NBEA: variants seen among roughly 807,000 people sequenced by gnomAD.
The protein encoded by NBEA is neurobeachin.
Under a neutral mutation model 343.4 loss-of-function variants are expected in NBEA, and 44 were observed. The observed-to-expected ratio is 0.13, with a 90% CI of 0.10 to 0.16. The LOEUF is 0.16. Ranked by LOEUF, NBEA falls within the 10% of genes least tolerant of loss-of-function variation. The pLI is 1.00. For synonymous variants in NBEA, 1,175 were observed against 1,238.7 expected (o/e 0.95, Z 1.08); for missense variants, 2,555 against 3,631.3 (o/e 0.70, Z 7.62).
chr13:35,348,108 A>G (rs565086023), intron 36 of NBEA, among the ~76,000 whole-genome samples: 1 of 152,208 alleles, frequency 6.6e-6, no homozygotes, highest in Admixed American at 6.5e-5. Flanking sequence ...TTTTTTGATG[A>G]CAAAGTCACA....
At position 34,989,513 on chromosome 13, in the gene NBEA, T is replaced by A. The variant is rs1198524813; in HGVS notation, c.294+46399T>A. ...CTACATATTCTTAAACAACCAAATC[T>A]TATGGGAACTCACTGTCATGAGAAC... On this transcript the variant is annotated intron_variant, in intron 1 of 58. Transcript: ENST00000379939. 1.3e-5 allele frequency among the ~76,000 whole-genome samples: 2 copies of A among 150,690 alleles called. 1 individual carries two copies. Among genetic ancestry groups the A allele is most frequent in the African/African-American group, 4.8e-5 (2 of 41,306 alleles).
chr13:35,102,035 A>C (rs1057292050), intron 11 of NBEA, among the ~76,000 whole-genome samples: 1 of 151,706 alleles, frequency 6.6e-6, no homozygotes, highest in African/African-American at 2.4e-5. Flanking sequence ...ATTTAGATCT[A>C]TAATCTATCT....
At chr13:35,443,132 A>G (rs2045828085) in intron 39 of NBEA, among the ~76,000 whole-genome samples, 1 of 152,082 alleles carries the variant, frequency 6.6e-6, no homozygotes, top group Non-Finnish European at 1.5e-5. Flanking sequence ...TAATTCCCAG[A>G]TTGCTAATGC....
At chr13:35,090,069 TAAATA>T (rs1415025873) in intron 10 of NBEA, among the ~76,000 whole-genome samples, 13 of 149,516 alleles carry the variant, frequency 8.7e-5, no homozygotes, top group African/African-American at 3.2e-4. Context: ...ATAAAATAAA[TAAATA>T]AATAAATAAA....
chr13:35,060,169 A>G (rs1413208800), intron 8 of NBEA, among the ~76,000 whole-genome samples: 1 of 151,140 alleles, frequency 6.6e-6, no homozygotes, highest in Admixed American at 6.6e-5. Flanking sequence ...TAGAGTGACA[A>G]GCAAACAAAT....
intron 41 of NBEA, among the ~76,000 whole-genome samples, chr13:35,472,971 T>C (rs900035445): frequency 6.6e-5 from 10 of 152,208 alleles, no homozygotes; most frequent in African/African-American, 2.4e-4. Flanking sequence ...AGATATAAAT[T>C]AATCTCCATT....
intron 1 of NBEA, among the ~76,000 whole-genome samples, chr13:34,955,673 C>A (rs1386704706): frequency 6.6e-6 from 1 of 152,126 alleles, no homozygotes; most frequent in African/African-American, 2.4e-5. Flanking sequence ...TAAATTAAAT[C>A]AACTTTATTT....
intron 1 of NBEA, among the ~76,000 whole-genome samples, chr13:35,000,154 G>C (rs887937501): frequency 6.6e-6 from 1 of 152,098 alleles, no homozygotes; most frequent in African/African-American, 2.4e-5. Flanking sequence ...CAGGCATACA[G>C]GGACTCAGAA....
chr13:35,444,750 C>A (rs1336548743), intron 39 of NBEA, among the ~76,000 whole-genome samples: 1 of 151,942 alleles, frequency 6.6e-6, no homozygotes, highest in East Asian at 1.9e-4. Flanking sequence ...CAGTTCTTTT[C>A]CTTCAAATAT....
At chr13:35,626,089 G>C (rs1280170630) in intron 48 of NBEA, among the ~76,000 whole-genome samples, 2 of 152,038 alleles carry the variant, frequency 1.3e-5, no homozygotes, top group Non-Finnish European at 2.9e-5. Flanking sequence ...AGAAGCAATG[G>C]GCTAGTCACA....
At chr13:35,318,773 T>A (rs1330701968) in intron 36 of NBEA, among the ~76,000 whole-genome samples, 1 of 152,220 alleles carries the variant, frequency 6.6e-6, no homozygotes, top group African/African-American at 2.4e-5. Context: ...ACGGCTTCAA[T>A]TTCAGAACTT....
intron 35 of NBEA, among the ~76,000 whole-genome samples, chr13:35,308,438 C>CTATATATATATA (rs5802761): frequency 3.4e-5 from 3 of 88,994 alleles, no homozygotes; most frequent in African/African-American, 1.4e-4. Context: ...CTGCTATTTA[C>CTATATATATATA]TATATATATA....
At chr13:35,249,236 A>T (rs1245103181) in intron 34 of NBEA, among the ~76,000 whole-genome samples, 1 of 152,070 alleles carries the variant, frequency 6.6e-6, no homozygotes, top group East Asian at 1.9e-4. Context: ...AATCAGAAAT[A>T]TAGGCAACAA....
chr13:35,107,630 T>A (rs541060281), intron 11 of NBEA, among the ~76,000 whole-genome samples: 18 of 152,116 alleles, frequency 1.2e-4, no homozygotes, highest in Middle Eastern at 6.8e-3. Flanking sequence ...TGCCTTATCA[T>A]CTCTTAGAAT....
chr13:35,112,101 T>C (rs979821742), intron 13 of NBEA, among the ~76,000 whole-genome samples: 1 of 151,850 alleles, frequency 6.6e-6, no homozygotes. Flanking sequence ...ATATTTTTAG[T>C]GGAGACAGGG....
chr13:35,510,216 G>A (rs2152986096), intron 41 of NBEA, among the ~76,000 whole-genome samples: 1 of 152,218 alleles, frequency 6.6e-6, no homozygotes, highest in South Asian at 2.1e-4. Flanking sequence ...TGTTTCCATG[G>A]CCTATATTAC....
chr13:35,414,377 T>C (rs1594543486), intron 38 of NBEA, among the ~76,000 whole-genome samples: 1 of 143,788 alleles, frequency 7.0e-6, no homozygotes, highest in African/African-American at 2.5e-5. Context: ...CTATCCCTCC[T>C]CCCTCCCCCC....
intron 41 of NBEA, among the ~76,000 whole-genome samples, chr13:35,540,626 G>C (rs1164189446): frequency 6.6e-6 from 1 of 152,048 alleles, no homozygotes; most frequent in African/African-American, 2.4e-5. Flanking sequence ...TAGACACAGA[G>C]GACTCCAGCT....
chr13:35,580,249 A>G (rs2080955951), intron 45 of NBEA, among the ~76,000 whole-genome samples: 1 of 152,150 alleles, frequency 6.6e-6, no homozygotes, highest in Non-Finnish European at 1.5e-5. Flanking sequence ...CTTTCAGTTA[A>G]ACTTTTGTAT....
Sources: gnomAD v4.1 joint callset for allele counts (sites outside exome capture counted in the v4.1 genomes callset) on GRCh38, gnomAD v4.1.1 for gene constraint, MANE v1.5 for transcripts, NCBI Gene and HGNC (gene_info 2026-07-23, HGNC 2026-07-21) for gene names.